Variants in MYO10 observed in about 807,000 individuals in gnomAD.
MYO10 encodes unconventional myosin-X.
A neutral mutation model predicts 257.3 loss-of-function variants in MYO10; 133 were observed. That is an observed-to-expected ratio of 0.52 (90% CI 0.45 to 0.60). MYO10 has a LOEUF of 0.60. MYO10 is among the 20% of genes least tolerant of loss of function. The pLI, the probability that MYO10 is intolerant of heterozygous loss-of-function variation, is 0.00. For synonymous variants in MYO10, 1,104 were observed against 1,028.6 expected (o/e 1.07, Z -1.40); for missense variants, 2,399 against 2,635.7 (o/e 0.91, Z 1.97).
At chr5:16,865,320 T>C (rs1465234419) in intron 2 of MYO10, among the ~76,000 whole-genome samples, 1 of 152,128 alleles carries the variant, frequency 6.6e-6, no homozygotes, top group East Asian at 1.9e-4. Context: ...CCCACCCCGA[T>C]ATTCATAGCA....
intron 9 of MYO10, among the ~76,000 whole-genome samples, chr5:16,772,725 T>C (rs962905841): frequency 4.6e-5 from 7 of 152,280 alleles, no homozygotes; most frequent in Non-Finnish European, 1.0e-4. Context: ...GGTGAATGGA[T>C]AAACAAACTG....
intron 1 of MYO10, among the ~76,000 whole-genome samples, chr5:16,882,619 C>T (rs779265547): frequency 3.3e-5 from 5 of 151,884 alleles, no homozygotes; most frequent in Admixed American, 2.0e-4. Flanking sequence ...ATGGACCATA[C>T]ACATCATGGT....
At chr5:16,762,435 G>A (rs534884929) in intron 15 of MYO10, 110 bp downstream of exon 15, 2 of 861,244 alleles carry the variant, frequency 2.3e-6, no homozygotes, top group Non-Finnish European at 3.6e-6. Flanking sequence ...GAGAATAAAT[G>A]TTCAATGTGG....
At chr5:16,785,632 G>C (rs1741556519) in intron 4 of MYO10, among the ~76,000 whole-genome samples, 2 of 152,232 alleles carry the variant, frequency 1.3e-5, no homozygotes, top group Admixed American at 1.3e-4. Flanking sequence ...CACCATGGGA[G>C]GCTGAGGCGG....
At position 16,729,453 on chromosome 5, in the gene MYO10, AT is replaced by A. The variant is rs1314577938; in HGVS notation, c.1930-18209del. ...CTCTTCATCTAAAGTTGTATTTTCT[AT>A]TTTTTTTTTTTTTTTGAGACGGAGT... On this transcript the variant is annotated intron_variant, in intron 19 of 40. Transcript: ENST00000513610. 2.1e-3 allele frequency among the ~76,000 whole-genome samples: 285 copies of A among 138,050 alleles called. 1 individual carries two copies. Among genetic ancestry groups the A allele is most frequent in the Middle Eastern group, 3.9e-3 (1 of 254 alleles). The allele number at this position is 138,050 out of a possible 152,430, so 90.6% of individuals were successfully genotyped here.
At chr5:16,764,022 C>T (rs1740796531) in intron 12 of MYO10, among the ~76,000 whole-genome samples, 2 of 151,944 alleles carry the variant, frequency 1.3e-5, no homozygotes, top group South Asian at 4.1e-4. Flanking sequence ...GTGGCAGGCA[C>T]CTGTAATCTC....
chr5:16,803,390 C>T (rs571143811), intron 3 of MYO10, among the ~76,000 whole-genome samples: 1 of 151,860 alleles, frequency 6.6e-6, no homozygotes, highest in East Asian at 1.9e-4. Context: ...ATTGTGCCAC[C>T]GCACTCCAGC....
At chr5:16,908,909 C>T (rs887609233) in intron 1 of MYO10, among the ~76,000 whole-genome samples, 34 of 152,136 alleles carry the variant, frequency 2.2e-4, no homozygotes, top group African/African-American at 8.2e-4. Context: ...ATGAAATATC[C>T]AGAACAGATA....
chr5:16,874,687 C>T (rs923312484), intron 2 of MYO10, among the ~76,000 whole-genome samples: 3 of 152,172 alleles, frequency 2.0e-5, no homozygotes, highest in African/African-American at 7.2e-5. Context: ...TCTGTCAATG[C>T]TATTCAACAG....
In MYO10 at chr5:16,711,153, C is replaced by G. The variant is rs368605358; in HGVS notation, c.2022G>C (p.Ala674=). The change falls in exon 20 of 41, where the codon GCG becomes GCC. Residue 674 remains alanine (A), a synonymous_variant. Coordinates refer to ENST00000513610, the MANE Select transcript of MYO10 (RefSeq NM_012334.3). ...ETVRIRKAGY[A]VRRPFQDFYK... is the part of the protein sequence containing the mutation. Reference sequence around the variant, plus strand: ...AAAAGTCCTGAAAGGGTCTTCGGACCGCATACCCAGCTTTGCGGATTCTCA... The same window carrying G: ...AAAAGTCCTGAAAGGGTCTTCGGACGGCATACCCAGCTTTGCGGATTCTCA... The G allele has an allele frequency of 6.2e-7, 1 of 1,613,738 alleles. No homozygotes were observed. Among genetic ancestry groups the G allele is most frequent in the Non-Finnish European group, 8.5e-7 (1 of 1,179,860 alleles).
At chr5:16,908,315 G>A (rs1453147889) in intron 1 of MYO10, among the ~76,000 whole-genome samples, 1 of 152,078 alleles carries the variant, frequency 6.6e-6, no homozygotes, top group Non-Finnish European at 1.5e-5. Flanking sequence ...ATCACTTGAG[G>A]TCAGGAGTTC....
chr5:16,815,541 A>G (rs1175982779), intron 3 of MYO10: 1 of 662,996 alleles, frequency 1.5e-6, no homozygotes, highest in African/African-American at 1.8e-5. Context: ...TGTAATATGA[A>G]TGGCATTTAT....
In MYO10 at chr5:16,763,711, T is replaced by C; in HGVS notation, c.1371A>G (p.Lys457=). 6.2e-7 allele frequency: 1 copy of C among 1,610,416 alleles called. No homozygotes were observed. The change falls in exon 13 of 41, where the codon AAA becomes AAG. Residue 457 remains lysine, a synonymous_variant. Transcript: ENST00000513610. ...TATGCTTGTTGAAGTACTCCTGAAG[T>C]TTCTCGTTTGCATAGTTTATATTGA... ...EQFNINYANE[K]LQEYFNKHIF...
chr5:16,791,563 T>TACACACACACACACACAC (rs58464460), intron 4 of MYO10, among the ~76,000 whole-genome samples: 138 of 151,156 alleles, frequency 9.1e-4, no homozygotes, highest in African/African-American at 1.3e-3. Context: ...CACACACACA[T>TACACACACACACACACAC]ACACATATGC....
At chr5:16,719,784 A>C (rs1739064781) in intron 19 of MYO10, among the ~76,000 whole-genome samples, 1 of 152,070 alleles carries the variant, frequency 6.6e-6, no homozygotes, top group African/African-American at 2.4e-5. Context: ...ACCAACATGG[A>C]GAAACCCCAT....
At chr5:16,735,677 A>T (rs1026464276) in intron 19 of MYO10, among the ~76,000 whole-genome samples, 3 of 144,936 alleles carry the variant, frequency 2.1e-5, no homozygotes, top group Non-Finnish European at 4.5e-5. Flanking sequence ...TAGGCGACAG[A>T]GCCTCGGGAA....
intron 1 of MYO10, among the ~76,000 whole-genome samples, chr5:16,886,654 G>C (rs547877294): frequency 4.6e-5 from 7 of 152,186 alleles, no homozygotes; most frequent in African/African-American, 1.7e-4. Context: ...TACTGCGGCT[G>C]GGCACAGTGG....
intron 26 of MYO10, among the ~76,000 whole-genome samples, chr5:16,696,354 A>G (rs1305872704): frequency 6.6e-6 from 1 of 151,942 alleles, no homozygotes; most frequent in Non-Finnish European, 1.5e-5. Context: ...TGGTGATTAG[A>G]TTTTCTTTTT....
At chr5:16,780,772 A>G in intron 6 of MYO10, 31 bp from the exon 7 acceptor site, 4 of 1,561,362 alleles carry the variant, frequency 2.6e-6, no homozygotes, top group Non-Finnish European at 3.5e-6. Context: ...CAAGTCAAGG[A>G]AAAAAACAAA....
Sources: gnomAD v4.1 joint callset for allele counts (sites outside exome capture counted in the v4.1 genomes callset) on GRCh38, gnomAD v4.1.1 for gene constraint, MANE v1.5 for transcripts, NCBI Gene and HGNC (gene_info 2026-07-23, HGNC 2026-07-21) for gene names.